Variants in HDAC9 observed in about 807,000 individuals in gnomAD.
HDAC9 encodes MEF-2 interacting transcription repressor (MITR) protein.
A neutral mutation model predicts 139.4 loss-of-function variants in HDAC9; 41 were observed. That is an observed-to-expected ratio of 0.29 (90% CI 0.23 to 0.38). The LOEUF (loss-of-function observed/expected upper bound fraction) is 0.38, where lower values mean the gene tolerates loss of function less well. HDAC9 is among the 10% of genes least tolerant of loss of function. The pLI, the probability that HDAC9 is intolerant of heterozygous loss-of-function variation, is 1.00. For missense variants in HDAC9, 1,147 were observed against 1,297.0 expected (o/e 0.88, Z 1.78); for synonymous variants, 517 against 476.2 (o/e 1.09, Z -1.12).
chr7:18,997,388 A>C lies in HDAC9; in HGVS notation c.*1326A>C, dbSNP rs1266899538. On this transcript the variant is annotated 3_prime_UTR_variant, in exon 26 of 26. Coordinates refer to ENST00000686413, the MANE Select transcript of HDAC9 (RefSeq NM_178425.4). ...AAAATAAAGGACATTTATTTCTGAG[A>C]TAAAAAGTAACTTACTAAATATAAG... The C allele has an allele frequency of 1.3e-5, 2 of 152,108 alleles. No individual in the cohort carries two copies. The highest frequency in any genetic ancestry group is 2.4e-5 in the African/African-American group (1 of 41,456). 9.4% of individuals were successfully genotyped at this position (152,108 alleles called of 1,614,324 possible). A position where few individuals can be genotyped will look rare whatever the true frequency, so the allele number is the denominator to read the frequency against.
At chr7:18,676,679 C>A (rs535500572) in intron 12 of HDAC9, among the ~76,000 whole-genome samples, 3 of 151,988 alleles carry the variant, frequency 2.0e-5, no homozygotes, top group Admixed American at 2.0e-4. Context: ...GTCTGACAAA[C>A]TCATAAAAAT....
chr7:18,790,081 C>T (rs556011640), intron 16 of HDAC9, among the ~76,000 whole-genome samples: 35 of 152,262 alleles, frequency 2.3e-4, no homozygotes, highest in Non-Finnish European at 4.6e-4. Flanking sequence ...CCTGTTTTAT[C>T]ATTGAAGTTC....
chr7:18,512,043 C>G (rs953636412), intron 2 of HDAC9, among the ~76,000 whole-genome samples: 1 of 149,534 alleles, frequency 6.7e-6, no homozygotes, highest in African/African-American at 2.4e-5. Context: ...AAAATCTTCT[C>G]ATTAGATGTA....
intron 1 of HDAC9, among the ~76,000 whole-genome samples, chr7:18,393,722 C>T (rs1450731043): frequency 6.6e-6 from 1 of 152,112 alleles, no homozygotes; most frequent in Non-Finnish European, 1.5e-5. Context: ...ACCCTAGATG[C>T]TGAAAGCTTA....
chr7:18,941,107 AT>A (rs1205387505), intron 23 of HDAC9, among the ~76,000 whole-genome samples: 1 of 150,172 alleles, frequency 6.7e-6, no homozygotes, highest in Non-Finnish European at 1.5e-5. Context: ...GCATGTTTTG[AT>A]TTCCCTCACT....
intron 1 of HDAC9, among the ~76,000 whole-genome samples, chr7:18,368,071 G>C (rs796688683): frequency 6.6e-6 from 1 of 151,960 alleles, no homozygotes; most frequent in African/African-American, 2.4e-5. Context: ...TACTAATCCC[G>C]TGTCAATTTT....
At chr7:18,808,191 A>C (rs1201387073) in intron 17 of HDAC9, 3 of 152,158 alleles carry the variant, frequency 2.0e-5, no homozygotes, top group Non-Finnish European at 4.4e-5. Flanking sequence ...TGAAGGAGGA[A>C]GGGGATCTCT....
chr7:18,645,227 C>T (rs993204925), intron 9 of HDAC9, among the ~76,000 whole-genome samples: 1 of 151,988 alleles, frequency 6.6e-6, no homozygotes, highest in African/African-American at 2.4e-5. Context: ...GCTACAGCTT[C>T]GAAAGCACAG....
At chr7:18,417,299 A>G (rs1002069304) in intron 1 of HDAC9, among the ~76,000 whole-genome samples, 1 of 152,158 alleles carries the variant, frequency 6.6e-6, no homozygotes, top group Admixed American at 6.5e-5. Context: ...TATCTTCTGT[A>G]TTTCCACTTA....
chr7:18,802,447 G>C (rs1459877162), intron 17 of HDAC9, among the ~76,000 whole-genome samples: 1 of 151,886 alleles, frequency 6.6e-6, no homozygotes. Flanking sequence ...TTTGTAAAAT[G>C]TTCTTTGTGT....
chr7:18,867,703 C>T (rs1798600264), intron 21 of HDAC9, among the ~76,000 whole-genome samples: 1 of 152,054 alleles, frequency 6.6e-6, no homozygotes, highest in African/African-American at 2.4e-5. Flanking sequence ...AATTCATATA[C>T]TTGAGTATTT....
At chr7:18,419,859 A>G (rs1257767832) in intron 1 of HDAC9, among the ~76,000 whole-genome samples, 1 of 152,216 alleles carries the variant, frequency 6.6e-6, no homozygotes, top group African/African-American at 2.4e-5. Context: ...AAAAATTACA[A>G]GCATACACCA....
chr7:18,402,931 TA>T (rs1295171812), intron 1 of HDAC9, among the ~76,000 whole-genome samples: 4 of 152,206 alleles, frequency 2.6e-5, no homozygotes, highest in Non-Finnish European at 5.9e-5. Flanking sequence ...AGCGATTATA[TA>T]AAACGCTGGC....
chr7:18,891,908 C>G (rs1481395252), intron 22 of HDAC9, among the ~76,000 whole-genome samples: 1 of 151,908 alleles, frequency 6.6e-6, no homozygotes, highest in African/African-American at 2.4e-5. Flanking sequence ...TGATTAGATC[C>G]AGCTTATCTA....
At chr7:18,385,649 T>C (rs1054023248) in intron 1 of HDAC9, among the ~76,000 whole-genome samples, 8 of 152,208 alleles carry the variant, frequency 5.3e-5, no homozygotes, top group Non-Finnish European at 1.2e-4. Flanking sequence ...GATATTGTTC[T>C]TCTGGAACTA....
chr7:18,564,355 T>G (rs1821592014), intron 2 of HDAC9, among the ~76,000 whole-genome samples: 1 of 152,214 alleles, frequency 6.6e-6, no homozygotes, highest in African/African-American at 2.4e-5. Flanking sequence ...AATGAGAAAT[T>G]ACAGTTTTAT....
chr7:18,720,904 C>T (rs982672190), intron 12 of HDAC9, among the ~76,000 whole-genome samples: 2 of 152,088 alleles, frequency 1.3e-5, no homozygotes, highest in Non-Finnish European at 2.9e-5. Flanking sequence ...TGGTCTTGAA[C>T]TCCTGGGCTC....
intron 2 of HDAC9, among the ~76,000 whole-genome samples, chr7:18,232,305 A>G (rs1354830185): frequency 6.6e-6 from 1 of 152,016 alleles, no homozygotes; most frequent in African/African-American, 2.4e-5. Context: ...TGTAATTAAT[A>G]TGGGGTGTAA....
chr7:18,604,924 C>A (rs1385702936), intron 6 of HDAC9, among the ~76,000 whole-genome samples: 11 of 152,106 alleles, frequency 7.2e-5, no homozygotes, highest in African/African-American at 2.7e-4. Flanking sequence ...TGCTTTGTCT[C>A]TTCTGATTGT....
Sources: allele counts gnomAD v4.1 joint callset (sites outside exome capture counted in the v4.1 genomes callset), GRCh38; gene constraint gnomAD v4.1.1; transcripts MANE v1.5; gene names NCBI Gene and HGNC (gene_info 2026-07-23, HGNC 2026-07-21).